Variants in NFKBIL1 observed in about 807,000 individuals in gnomAD.
NFKBIL1 encodes NF-kappa-B inhibitor-like protein 1.
NFKBIL1 carries 30 observed loss-of-function variants against 45.4 expected under a neutral mutation model. The observed-to-expected ratio is 0.66, with a 90% CI of 0.49 to 0.90. The LOEUF (loss-of-function observed/expected upper bound fraction) is 0.90, where lower values mean the gene tolerates loss of function less well. Among genes scored for constraint, NFKBIL1 ranks in the 40% least tolerant of loss-of-function variants. The pLI is 0.00. For synonymous variants in NFKBIL1, 179 were observed against 197.3 expected (o/e 0.91, Z 0.78); for missense variants, 434 against 513.4 (o/e 0.85, Z 1.49).
chr6:31,548,416 C>T lies in NFKBIL1; in HGVS notation c.311C>T (p.Ala104Val). The T allele has an allele frequency of 6.6e-7, 1 of 1,513,270 alleles. No homozygotes were observed. The allele number at this position is 1,513,270 out of a possible 1,614,324, so 93.7% of individuals were successfully genotyped here. A position where few individuals can be genotyped will look rare whatever the true frequency, so the allele number is the denominator to read the frequency against. ...CGCCATGGGGACACGGCACTGCATGCTGCTGCCCGCCAGGGCCCAGATGGT... is the reference window on the plus strand; with the variant it reads ...CGCCATGGGGACACGGCACTGCATGTTGCTGCCCGCCAGGGCCCAGATGGT... ...QDRHGDTALH[A>V]AARQGPDAYT... The change falls in exon 2 of 4, where the codon GCT becomes GTT. Residue 104 changes from alanine (A) to valine (V), a missense_variant. Coordinates refer to ENST00000376148, the MANE Select transcript of NFKBIL1 (RefSeq NM_005007.4).
In NFKBIL1 at chr6:31,548,395, A is replaced by G. The variant is rs1224897537; in HGVS notation, c.290A>G (p.His97Arg). 12 of 1,550,114 alleles carry G rather than the reference A, an allele frequency of 7.7e-6. No homozygotes were observed. Among genetic ancestry groups the G allele is most frequent in the Non-Finnish European group, 1.0e-5 (12 of 1,152,144 alleles). Residue 97 changes from histidine (H) to arginine (R), a missense_variant, in exon 2 of 4, where the codon CAT (histidine) becomes CGT (arginine). This residue lies in a region of NFKBIL1 where 231 missense variants were observed against 264.1 expected (regional missense o/e 0.87). Coordinates refer to ENST00000376148, the MANE Select transcript of NFKBIL1 (RefSeq NM_005007.4). ...LGADPAHQDR[H>R]GDTALHAAAR... ...GCTGACCCTGCCCACCAGGACCGCCATGGGGACACGGCACTGCATGCTGCT... is the reference window on the plus strand; with the variant it reads ...GCTGACCCTGCCCACCAGGACCGCCGTGGGGACACGGCACTGCATGCTGCT...
At chr6:31,555,081 T>C (rs1023746303) in intron 2 of NFKBIL1, among the ~76,000 whole-genome samples, 8 of 152,300 alleles carry the variant, frequency 5.3e-5, no homozygotes, top group African/African-American at 1.9e-4. Context: ...TTAATAGTTA[T>C]CAAATTTGTT....
Position 31,558,745 on chromosome 6 carries a change from G to A in NFKBIL1, c.*134G>A. The A allele has an allele frequency of 1.4e-6, 1 of 715,898 alleles. No homozygotes were observed. 44.3% of individuals were successfully genotyped at this position (715,898 alleles called of 1,614,324 possible). On this transcript the variant is annotated 3_prime_UTR_variant, in exon 4 of 4. Transcript: ENST00000376148. The surrounding 1 kb of genome is among the most constrained non-coding windows in gnomAD (Gnocchi z 7.2). ...GAGGATATGGGTGGGAGCGAAAGTT[G>A]TAACAAGTGGGGGTGGGGGGTGCGG...
At chr6:31,555,877 C>T (rs1769708879) in intron 2 of NFKBIL1, among the ~76,000 whole-genome samples, 1 of 147,668 alleles carries the variant, frequency 6.8e-6, no homozygotes, top group Non-Finnish European at 1.5e-5. Context: ...TGGTATTGAA[C>T]TCCTGACCTT....
At chr6:31,546,894 G>A (rs1022538270), upstream of NFKBIL1, 2 of 346,386 alleles carry the variant, frequency 5.8e-6, no homozygotes, top group Non-Finnish European at 1.1e-5. The surrounding 1 kb of genome is among the most constrained non-coding windows in gnomAD (Gnocchi z 4.1). Flanking sequence ...GGCGGAGACG[G>A]GGGAGTACTG....
intron 1 of NFKBIL1, 142 bp downstream of exon 1, chr6:31,547,893 G>A: frequency 2.6e-6 from 2 of 777,412 alleles, no homozygotes; most frequent in Non-Finnish European, 4.0e-6. Flanking sequence ...AAATTTACCT[G>A]GGCTCCTGAG....
chr6:31,558,003 A>AACC lies in NFKBIL1; in HGVS notation c.557-19_557-18insACC. 1.8e-6 allele frequency: 1 copy of AACC among 551,454 alleles called. No homozygotes were observed. The highest frequency in any genetic ancestry group is 3.2e-6 in the Non-Finnish European group (1 of 315,742). The allele number at this position is 551,454 out of a possible 1,614,324, so 34.2% of individuals were successfully genotyped here. ...TCACAGCCTCTCTCCAACTACCCCC[A>AACC]TCCCACCCTCCCAAACAGGTGATGC... On this transcript the variant is annotated intron_variant, in intron 3 of 3. Transcript: ENST00000376148. This position sits in a 1 kb window ranked among gnomAD's most constrained non-coding sequence, Gnocchi z 7.2.
chr6:31,557,713 A>G lies in NFKBIL1; in HGVS notation c.420A>G (p.Gln140=). The G allele has an allele frequency of 2.5e-6, 4 of 1,608,474 alleles. No individual in the cohort carries two copies. Among genetic ancestry groups the G allele is most frequent in the Non-Finnish European group, 3.4e-6 (4 of 1,176,776 alleles). Residue 140 remains glutamine (Q), a synonymous_variant, in exon 3 of 4, where the codon CAA becomes CAG. Transcript: ENST00000376148. The surrounding 1 kb of genome is among the most constrained non-coding windows in gnomAD (Gnocchi z 5.4). The stretch of plus-strand genomic sequence containing the variant: ...ATAAGGATGGGGAGACCCCTGGCCA[A>G]ATTTTGGGCTGGGGACCCCCCTGGG... ...IKNKDGETPG[Q]ILGWGPPWDS...
upstream of NFKBIL1, chr6:31,546,858 T>G: frequency 9.0e-6 from 4 of 445,494 alleles, no homozygotes; most frequent in South Asian, 1.5e-4. This position sits in a 1 kb window ranked among gnomAD's most constrained non-coding sequence, Gnocchi z 4.1. Context: ...GCCATCCCAG[T>G]CGGAAAGGTC....
chr6:31,547,867 C>G (rs1297660305), intron 1 of NFKBIL1, 116 bp downstream of exon 1: 6 of 946,906 alleles, frequency 6.3e-6, no homozygotes, highest in East Asian at 2.8e-5. Flanking sequence ...TTTTAAAGTT[C>G]TTTGTTAAAA....
Position 31,557,590 on chromosome 6 carries a change from TCCC to T in NFKBIL1, c.335-37_335-35del. The T allele has an allele frequency of 7.0e-7, 1 of 1,428,240 alleles. No individual in the cohort carries two copies. The highest frequency in any genetic ancestry group is 2.4e-5 in the Admixed American group (1 of 41,126). 88.5% of individuals were successfully genotyped at this position (1,428,240 alleles called of 1,614,324 possible). ...TGGCAGCTCTGCCGAGGAGTGGGAGTCCCAGCTAACTTCTGCTCCCTGCTCTCC... is the reference window on the plus strand; with the variant it reads ...TGGCAGCTCTGCCGAGGAGTGGGAGTAGCTAACTTCTGCTCCCTGCTCTCC... On this transcript the variant is annotated intron_variant, in intron 2 of 3. Coordinates refer to ENST00000376148, the MANE Select transcript of NFKBIL1 (RefSeq NM_005007.4). This position sits in a 1 kb window ranked among gnomAD's most constrained non-coding sequence, Gnocchi z 5.4.
Position 31,557,618 on chromosome 6 carries a change from C to CGTAT in NFKBIL1, c.335-10_335-9insGTAT. ...CAGCTAACTTCTGCTCCCTGCTCTC[C>CGTAT]CACCAACAGCCTACACCGATTTCTT... On this transcript the variant is annotated splice_polypyrimidine_tract_variant and intron_variant, in intron 2 of 3. Transcript: ENST00000376148. This position sits in a 1 kb window ranked among gnomAD's most constrained non-coding sequence, Gnocchi z 5.4. 1.3e-6 allele frequency: 2 copies of CGTAT among 1,492,786 alleles called. No individual in the cohort carries two copies. The highest frequency in any genetic ancestry group is 2.2e-5 in the Admixed American group (1 of 45,028). 92.5% of individuals were successfully genotyped at this position (1,492,786 alleles called of 1,614,324 possible). A position where few individuals can be genotyped will look rare whatever the true frequency, so the allele number is the denominator to read the frequency against.
intron 1 of NFKBIL1, 101 bp downstream of exon 1, chr6:31,547,852 G>T: frequency 9.4e-7 from 1 of 1,059,120 alleles, no homozygotes. Context: ...GGCCCTGTTG[G>T]GTTTTTTTAA....
At chr6:31,552,542 C>T (rs1373775432) in intron 2 of NFKBIL1, among the ~76,000 whole-genome samples, 1 of 152,104 alleles carries the variant, frequency 6.6e-6, no homozygotes, top group Admixed American at 6.6e-5. Flanking sequence ...TCACCTCAGC[C>T]TCCCAAAGTG....
intron 2 of NFKBIL1, among the ~76,000 whole-genome samples, chr6:31,550,995 CT>C (rs1339484318): frequency 2.6e-5 from 4 of 151,972 alleles, no homozygotes; most frequent in South Asian, 4.2e-4. Flanking sequence ...CAAAATGCCC[CT>C]GATAGTGTGG....
At chr6:31,552,778 C>T (rs1453527579) in intron 2 of NFKBIL1, among the ~76,000 whole-genome samples, 1 of 136,590 alleles carries the variant, frequency 7.3e-6, no homozygotes, top group African/African-American at 2.8e-5. Context: ...GATCTCGGCT[C>T]ACTGCAAGCT....
rs999875801 is a variant in NFKBIL1, at chr6:31,557,121, T to C, written c.335-507T>C. Among the ~76,000 whole-genome samples the C allele has an allele frequency of 3.3e-5, 5 of 151,662 alleles. No homozygotes were observed. Among genetic ancestry groups the C allele is most frequent in the Non-Finnish European group, 7.4e-5 (5 of 67,882 alleles). ...ACAAGTAAGAATTTTTTTTTTTTTT[T>C]TTTTGAGACGGAGTCTTGCTCTGTC... On this transcript the variant is annotated intron_variant, in intron 2 of 3. Coordinates refer to ENST00000376148, the MANE Select transcript of NFKBIL1 (RefSeq NM_005007.4). The surrounding 1 kb of genome is among the most constrained non-coding windows in gnomAD (Gnocchi z 5.4).
At position 31,548,317 on chromosome 6, in the gene NFKBIL1, G is replaced by A. The variant is rs200412984; in HGVS notation, c.212G>A (p.Arg71Gln). 1.1e-5 allele frequency: 18 copies of A among 1,604,076 alleles called. No individual in the cohort carries two copies. The highest frequency in any genetic ancestry group is 1.4e-5 in the Non-Finnish European group (17 of 1,175,672). ...VDAGQPPPLHRACARHDAPAL... is the reference protein window; with the variant it reads ...VDAGQPPPLHQACARHDAPAL... ...GCTGGGCAGCCCCCACCACTGCACC[G>A]GGCCTGTGCCCGCCACGATGCCCCT... Residue 71 changes from arginine (R) to glutamine (Q), a missense_variant, in exon 2 of 4, where the codon CGG becomes CAG. Transcript: ENST00000376148.
Position 31,548,303 on chromosome 6 carries a change from C to T in NFKBIL1, c.198C>T (p.Pro66=), listed in dbSNP as rs942225019. 123 of 1,609,026 alleles carry T rather than the reference C, an allele frequency of 7.6e-5. No homozygotes were observed. Among genetic ancestry groups the T allele is most frequent in the Non-Finnish European group, 9.8e-5 (115 of 1,178,426 alleles). Residue 66 remains proline, a synonymous_variant, in exon 2 of 4, where the codon CCC becomes CCT. Transcript: ENST00000376148. ...HPGLDVDAGQ[P]PPLHRACARH... ...GCCTCGATGTAGATGCTGGGCAGCC[C>T]CCACCACTGCACCGGGCCTGTGCCC...
Sources: allele counts gnomAD v4.1 joint callset (sites outside exome capture counted in the v4.1 genomes callset), GRCh38; gene constraint gnomAD v4.1.1; regional missense constraint gnomAD v4.1.1; non-coding constraint Gnocchi (gnomAD v3.1); transcripts MANE v1.5; gene names NCBI Gene and HGNC (gene_info 2026-07-23, HGNC 2026-07-21).